The following ARHGAP24 variants were observed in gnomAD, a reference collection of about 807,000 sequenced individuals.
ARHGAP24 encodes the protein Rho GTPase activating protein 24.
A neutral mutation model predicts 76.4 loss-of-function variants in ARHGAP24; 50 were observed. That is an observed-to-expected ratio of 0.65 (90% CI 0.52 to 0.83). ARHGAP24 has a LOEUF of 0.83. Ranked by LOEUF, ARHGAP24 falls within the 40% of genes least tolerant of loss-of-function variation. The pLI is 0.00. For missense variants in ARHGAP24, 930 were observed against 914.2 expected (o/e 1.02, Z -0.22); for synonymous variants, 345 against 323.3 (o/e 1.07, Z -0.72).
At chr4:85,858,976 A>G (rs1377348569) in intron 3 of ARHGAP24, among the ~76,000 whole-genome samples, 1 of 152,060 alleles carries the variant, frequency 6.6e-6, no homozygotes, top group Non-Finnish European at 1.5e-5. Flanking sequence ...TCAGGTACAT[A>G]TAAAGCAATC....
chr4:85,496,383 A>G (rs1578185670), intron 1 of ARHGAP24, among the ~76,000 whole-genome samples: 1 of 152,260 alleles, frequency 6.6e-6, no homozygotes, highest in African/African-American at 2.4e-5. Flanking sequence ...AAATAGGTCT[A>G]TCACAGTTAC....
At chr4:85,765,820 T>C (rs1726911332) in intron 3 of ARHGAP24, among the ~76,000 whole-genome samples, 1 of 152,082 alleles carries the variant, frequency 6.6e-6, no homozygotes. Context: ...CCACTCTATT[T>C]TAAAACACGA....
chr4:85,603,964 T>A (rs1720113005), intron 2 of ARHGAP24, among the ~76,000 whole-genome samples: 1 of 152,228 alleles, frequency 6.6e-6, no homozygotes, highest in African/African-American at 2.4e-5. Flanking sequence ...AGAATACTCA[T>A]TCACCTTCCC....
chr4:85,565,937 T>C (rs1726825352), intron 1 of ARHGAP24, among the ~76,000 whole-genome samples: 2 of 152,186 alleles, frequency 1.3e-5, no homozygotes, highest in Non-Finnish European at 2.9e-5. Context: ...ACTGTTGTGT[T>C]CTTGGCCCAT....
At chr4:85,618,381 C>G (rs1720605681) in intron 2 of ARHGAP24, among the ~76,000 whole-genome samples, 1 of 152,086 alleles carries the variant, frequency 6.6e-6, no homozygotes, top group South Asian at 2.1e-4. Context: ...ATTCATTCAT[C>G]TGTTGATGGT....
At position 85,782,036 on chromosome 4, in the gene ARHGAP24, C is replaced by CA. The variant is rs11353046; in HGVS notation, c.268+60079dup. Among the ~76,000 whole-genome samples the CA allele has an allele frequency of 3.0e-3, 315 of 106,438 alleles. 1 individual carries two copies. Among genetic ancestry groups the CA allele is most frequent in the African/African-American group, 9.9e-3 (228 of 23,134 alleles). 69.8% of individuals were successfully genotyped at this position (106,438 alleles called of 152,430 possible). On this transcript the variant is annotated intron_variant, in intron 3 of 9. Transcript: ENST00000395184. The stretch of plus-strand genomic sequence containing the variant: ...TGGGCAACAGAGTGAGATTCTATCT[C>CA]AAAAAAAAAAAAAAAGAAAAAAAAA...
At chr4:85,808,043 T>C (rs185067750) in intron 3 of ARHGAP24, among the ~76,000 whole-genome samples, 67 of 152,320 alleles carry the variant, frequency 4.4e-4, no homozygotes, top group Middle Eastern at 3.4e-3. Context: ...ATACATGTTT[T>C]TATTTGCTTG....
chr4:85,792,805 A>C (rs1406389288), intron 3 of ARHGAP24, among the ~76,000 whole-genome samples: 3 of 152,188 alleles, frequency 2.0e-5, no homozygotes, highest in African/African-American at 4.8e-5. Flanking sequence ...AAGCTCTGTC[A>C]GATCTTATTG....
chr4:85,603,442 T>C (rs1425813878), intron 2 of ARHGAP24, among the ~76,000 whole-genome samples: 5 of 152,224 alleles, frequency 3.3e-5, no homozygotes, highest in South Asian at 2.1e-4. Flanking sequence ...GGTATAAAAA[T>C]GTTTCTTAAG....
intron 2 of ARHGAP24, among the ~76,000 whole-genome samples, chr4:85,644,576 A>C (rs1236372270): frequency 6.6e-6 from 1 of 152,096 alleles, no homozygotes; most frequent in African/African-American, 2.4e-5. Context: ...GAGATAACTA[A>C]ACTGATGGAA....
chr4:85,836,982 G>A (rs1457577056), intron 3 of ARHGAP24, among the ~76,000 whole-genome samples: 1 of 152,146 alleles, frequency 6.6e-6, no homozygotes, highest in African/African-American at 2.4e-5. Flanking sequence ...AAAAGGAGGG[G>A]GAAAAAGGAC....
intron 1 of ARHGAP24, among the ~76,000 whole-genome samples, chr4:85,493,717 T>A (rs1723449797): frequency 6.6e-6 from 1 of 152,224 alleles, no homozygotes; most frequent in Non-Finnish European, 1.5e-5. Flanking sequence ...GACACCAGAT[T>A]TCTGTTATTA....
At chr4:85,787,822 A>G (rs968750765) in intron 3 of ARHGAP24, among the ~76,000 whole-genome samples, 17 of 152,114 alleles carry the variant, frequency 1.1e-4, no homozygotes, top group African/African-American at 4.1e-4. Context: ...TACATGGGGG[A>G]CAGAACTGAA....
At chr4:85,703,921 C>CA (rs971181568) in intron 2 of ARHGAP24, among the ~76,000 whole-genome samples, 1 of 152,148 alleles carries the variant, frequency 6.6e-6, no homozygotes, top group Non-Finnish European at 1.5e-5. Flanking sequence ...CCCAATGCCC[C>CA]TTTGCAGTCA....
chr4:85,651,448 G>A (rs1247029816), intron 2 of ARHGAP24, among the ~76,000 whole-genome samples: 1 of 148,948 alleles, frequency 6.7e-6, no homozygotes, highest in Admixed American at 6.6e-5. Context: ...GACACACAGG[G>A]ATTAGAGAAA....
At chr4:85,743,744 C>T (rs1167147209) in intron 3 of ARHGAP24, among the ~76,000 whole-genome samples, 2 of 152,126 alleles carry the variant, frequency 1.3e-5, no homozygotes, top group Non-Finnish European at 1.5e-5. Flanking sequence ...AGTGCAACGA[C>T]TCTATGTTAT....
chr4:85,514,509 C>T (rs1020950448), intron 1 of ARHGAP24, among the ~76,000 whole-genome samples: 4 of 151,994 alleles, frequency 2.6e-5, no homozygotes, highest in Non-Finnish European at 5.9e-5. Context: ...AATAAATAAT[C>T]ATATCCCCAG....
chr4:85,668,879 G>T (rs954021251), intron 2 of ARHGAP24, among the ~76,000 whole-genome samples: 2 of 152,184 alleles, frequency 1.3e-5, no homozygotes, highest in Non-Finnish European at 2.9e-5. Context: ...AAAGGAGATG[G>T]AAAGATAAAA....
intron 2 of ARHGAP24, among the ~76,000 whole-genome samples, chr4:85,666,622 G>A (rs974791397): frequency 2.0e-5 from 3 of 152,242 alleles, no homozygotes; most frequent in African/African-American, 7.2e-5. Flanking sequence ...CCATCTTTGT[G>A]GGTTTATCTA....
Sources: allele counts gnomAD v4.1 joint callset (sites outside exome capture counted in the v4.1 genomes callset), GRCh38; gene constraint gnomAD v4.1.1; transcripts MANE v1.5; gene names NCBI Gene and HGNC (gene_info 2026-07-23, HGNC 2026-07-21).